The following NRXN1 variants were observed in gnomAD, a reference collection of about 807,000 sequenced individuals.
NRXN1 encodes neurexin-1.
Under a neutral mutation model 150.9 loss-of-function variants are expected in NRXN1, and 39 were observed. That is an observed-to-expected ratio of 0.26 (90% CI 0.20 to 0.34). The LOEUF (loss-of-function observed/expected upper bound fraction) is 0.34, where lower values mean the gene tolerates loss of function less well. Among genes scored for constraint, NRXN1 ranks in the 10% least tolerant of loss-of-function variants. NRXN1 has a pLI of 1.00. For missense variants in NRXN1, 1,815 were observed against 1,949.9 expected (o/e 0.93, Z 1.30); for synonymous variants, 924 against 757.0 (o/e 1.22, Z -3.62).
intron 5 of NRXN1, among the ~76,000 whole-genome samples, chr2:50,880,655 C>G (rs1017561951): frequency 1.3e-5 from 2 of 151,972 alleles, no homozygotes; most frequent in African/African-American, 4.8e-5. Context: ...ACGAGGTTAA[C>G]AGAAGAATCA....
chr2:50,292,994 T>C (rs541237879), intron 17 of NRXN1, among the ~76,000 whole-genome samples: 2 of 152,330 alleles, frequency 1.3e-5, no homozygotes, highest in East Asian at 1.9e-4. Context: ...GTGACACTAA[T>C]GCAACTTAAA....
intron 17 of NRXN1, among the ~76,000 whole-genome samples, chr2:50,374,918 T>C (rs1470585886): frequency 6.6e-6 from 1 of 152,170 alleles, no homozygotes; most frequent in African/African-American, 2.4e-5. Flanking sequence ...CCATCAGCAG[T>C]CTGTAGAAAA....
At chr2:50,225,454 C>CT (rs2064280635) in intron 18 of NRXN1, among the ~76,000 whole-genome samples, 1 of 151,694 alleles carries the variant, frequency 6.6e-6, no homozygotes, top group African/African-American at 2.4e-5. Flanking sequence ...GCTACAAGGA[C>CT]ATATAAAGAC....
At chr2:50,037,387 C>T (rs951756377) in intron 21 of NRXN1, among the ~76,000 whole-genome samples, 3 of 152,136 alleles carry the variant, frequency 2.0e-5, no homozygotes, top group Admixed American at 1.3e-4. Context: ...AAATCTTCCT[C>T]TCCTTCTAAC....
chr2:50,441,420 T>A lies in NRXN1; in HGVS notation c.3364+24022A>T, dbSNP rs190948435. On this transcript the variant is annotated intron_variant, in intron 17 of 22. Coordinates refer to ENST00000401669, the MANE Select transcript of NRXN1 (RefSeq NM_001330078.2). Reference sequence around the variant, plus strand: ...TTGTATGTCTTAAAATTTAAAAAAATTATACAACTTTCCATTGACACGGAA... The same window carrying A: ...TTGTATGTCTTAAAATTTAAAAAAAATATACAACTTTCCATTGACACGGAA... 4.3e-3 allele frequency among the ~76,000 whole-genome samples: 661 copies of A among 152,272 alleles called. 19 individuals are homozygous for A. The highest frequency in any genetic ancestry group is 0.04 in the Admixed American group (615 of 15,298).
chr2:50,107,537 ATATTTT>A (rs941613316), intron 18 of NRXN1, among the ~76,000 whole-genome samples: 2 of 122,138 alleles, frequency 1.6e-5, no homozygotes, highest in Non-Finnish European at 3.5e-5. Flanking sequence ...ATATATATAT[ATATTTT>A]TTTTTTTTAC....
intron 22 of NRXN1, among the ~76,000 whole-genome samples, chr2:49,936,206 T>C (rs1034496976): frequency 6.6e-6 from 1 of 152,240 alleles, no homozygotes; most frequent in African/African-American, 2.4e-5. Context: ...CTCACTTATA[T>C]GCTAAGTAAT....
At chr2:50,053,102 C>G (rs1416715244) in intron 21 of NRXN1, among the ~76,000 whole-genome samples, 169 bp downstream of exon 21, 2 of 152,130 alleles carry the variant, frequency 1.3e-5, no homozygotes, top group Non-Finnish European at 2.9e-5. Flanking sequence ...GAACAACATA[C>G]ACACATTTCA....
At chr2:49,968,894 G>A (rs896423309) in intron 21 of NRXN1, among the ~76,000 whole-genome samples, 18 of 152,050 alleles carry the variant, frequency 1.2e-4, no homozygotes, top group Non-Finnish European at 1.5e-5. Context: ...GGCAGCAAGT[G>A]TCTCATTTTT....
chr2:50,864,318 A>C (rs1011144373), intron 5 of NRXN1, among the ~76,000 whole-genome samples: 96 of 152,158 alleles, frequency 6.3e-4, no homozygotes, highest in African/African-American at 2.2e-3. Flanking sequence ...TGGGTCAAAC[A>C]CACACATGAA....
intron 18 of NRXN1, among the ~76,000 whole-genome samples, chr2:50,122,924 T>G (rs1704065458): frequency 6.6e-6 from 1 of 152,176 alleles, no homozygotes; most frequent in African/African-American, 2.4e-5. Context: ...CAAGGCTAAT[T>G]TGGTTTCATT....
chr2:50,228,037 G>C (rs1413815667), intron 18 of NRXN1, among the ~76,000 whole-genome samples: 1 of 152,018 alleles, frequency 6.6e-6, no homozygotes, highest in African/African-American at 2.4e-5. Context: ...TCTGAAATGA[G>C]AGGTGTTGTT....
chr2:50,755,657 G>A (rs914068485), intron 5 of NRXN1, among the ~76,000 whole-genome samples: 1 of 151,758 alleles, frequency 6.6e-6, no homozygotes, highest in Non-Finnish European at 1.5e-5. Flanking sequence ...ATTCCTCTCA[G>A]GAGAAAGAAT....
chr2:50,835,358 C>T (rs1013604238), intron 5 of NRXN1, among the ~76,000 whole-genome samples: 2 of 152,116 alleles, frequency 1.3e-5, no homozygotes, highest in African/African-American at 4.8e-5. Flanking sequence ...CCTTTACTTT[C>T]GATTTCTTAT....
chr2:50,917,041 T>G (rs1429114522), intron 5 of NRXN1: 2 of 151,726 alleles, frequency 1.3e-5, no homozygotes, highest in African/African-American at 4.8e-5. Flanking sequence ...AGATATTTAA[T>G]GTCTGATATT....
In NRXN1 at chr2:50,496,064, C is replaced by A; in HGVS notation, c.2911G>T (p.Gly971Cys). 1 of 1,609,470 alleles carries A rather than the reference C, an allele frequency of 6.2e-7. No individual in the cohort carries two copies. Residue 971 changes from glycine to cysteine, a missense_variant, in exon 15 of 23, where the codon GGT (glycine) becomes TGT (cysteine). Transcript: ENST00000401669. ...YLHYVFDLGN[G>C]ANLIKGSSNK... ...GAGCTTCCTTTGATGAGGTTAGCAC[C>A]ATTTCCCAAATCAAACACGTAATGT...
intron 5 of NRXN1, among the ~76,000 whole-genome samples, chr2:50,667,165 CA>C (rs1688181518): frequency 7.2e-6 from 1 of 138,682 alleles, no homozygotes; most frequent in Non-Finnish European, 1.5e-5. Context: ...AGAATTTACA[CA>C]ATTTCTTTCA....
chr2:50,556,606 T>G (rs930446231), intron 8 of NRXN1, among the ~76,000 whole-genome samples: 3 of 152,088 alleles, frequency 2.0e-5, no homozygotes, highest in Admixed American at 6.6e-5. Context: ...GAATTTTTAG[T>G]GTCCCTCTCA....
chr2:50,581,586 A>G (rs1009897683), intron 8 of NRXN1, among the ~76,000 whole-genome samples: 1 of 152,192 alleles, frequency 6.6e-6, no homozygotes, highest in Admixed American at 6.5e-5. Flanking sequence ...GATAATTTTT[A>G]TTAGGTGCAA....
Sources: allele counts gnomAD v4.1 joint callset (sites outside exome capture counted in the v4.1 genomes callset), GRCh38; gene constraint gnomAD v4.1.1; transcripts MANE v1.5; gene names NCBI Gene and HGNC (gene_info 2026-07-23, HGNC 2026-07-21).